POTEF: variants seen among roughly 807,000 people sequenced by gnomAD.
The protein encoded by POTEF is POTE ankyrin domain family member F.
Under a neutral mutation model 83.2 loss-of-function variants are expected in POTEF, and 20 were observed. That is an observed-to-expected ratio of 0.24 (90% confidence interval 0.17 to 0.35). The LOEUF (loss-of-function observed/expected upper bound fraction) is 0.35, where lower values mean the gene tolerates loss of function less well. Among genes scored for constraint, POTEF ranks in the 10% least tolerant of loss-of-function variants. The pLI is 1.00. For synonymous variants in POTEF, 196 were observed against 446.4 expected (o/e 0.44, Z 7.07); for missense variants, 550 against 1,203.2 (o/e 0.46, Z 8.03).
rs1684869703 is a variant in POTEF at position 130,117,338 on chromosome 2, T to G, written c.522-2010A>C. Among the ~76,000 whole-genome samples, 4 of 151,934 alleles carry G rather than the reference T, an allele frequency of 2.6e-5. No individual in the cohort carries two copies. The South Asian group carries it at 8.3e-4, about 32-fold the overall frequency. On this transcript the variant is annotated intron_variant, in intron 3 of 16. Coordinates refer to ENST00000409914, the MANE Select transcript of POTEF (RefSeq NM_001099771.2). ...ACAGATAGAAAAATAAATAATAGAA[T>G]GTGACAAATTATTTGCATCTATGCA...
At chr2:130,083,416 C>G (rs1440430590) in intron 15 of POTEF, among the ~76,000 whole-genome samples, 2 of 150,404 alleles carry the variant, frequency 1.3e-5, no homozygotes, top group Non-Finnish European at 1.5e-5. Flanking sequence ...AGATGAGGAG[C>G]AGCAAGCAAA....
At chr2:130,093,050 T>A (rs1372395233) in intron 12 of POTEF, among the ~76,000 whole-genome samples, 1 of 144,024 alleles carries the variant, frequency 6.9e-6, no homozygotes, top group Non-Finnish European at 1.5e-5. Context: ...GTCAGATCAG[T>A]GATAGCATTA....
rs1216587598 is a variant in POTEF at position 130,116,588 on chromosome 2, G to T, written c.522-1260C>A. ...CTCACCATTTAGCTCCCACCTATAA[G>T]TAAGAACATGCAATATTTGGTTTTC... On this transcript the variant is annotated intron_variant, in intron 3 of 16. Coordinates refer to ENST00000409914, the MANE Select transcript of POTEF (RefSeq NM_001099771.2). Among the ~76,000 whole-genome samples the T allele has an allele frequency of 3.6e-5, 4 of 111,122 alleles. No homozygotes were observed. In the East Asian group the frequency reaches 7.1e-4, roughly 20 times the overall value. The allele number at this position is 111,122 out of a possible 152,430, so 72.9% of individuals were successfully genotyped here.
Position 130,116,869 on chromosome 2 carries a change from T to C in POTEF, c.522-1541A>G, listed in dbSNP as rs1325557040. Among the ~76,000 whole-genome samples, 8 of 98,114 alleles carry C rather than the reference T, an allele frequency of 8.2e-5. No homozygotes were observed. The South Asian group carries it at 1.5e-3, about 18-fold the overall frequency. 64.4% of individuals were successfully genotyped at this position (98,114 alleles called of 152,430 possible). A position where few individuals can be genotyped will look rare whatever the true frequency, so the allele number is the denominator to read the frequency against. On this transcript the variant is annotated intron_variant, in intron 3 of 16. Transcript: ENST00000409914. ...TGAAAGGAGGGAGGAAAAGCTTCAA[T>C]TGAGATTAAGTCCTAATGCACCAAT...
chr2:130,075,141 G>A lies in POTEF; in HGVS notation c.2331C>T (p.Thr777=), dbSNP rs766883230. The A allele has an allele frequency of 6.8e-6, 11 of 1,613,438 alleles. No homozygotes were observed. Among genetic ancestry groups the A allele is most frequent in the Non-Finnish European group, 9.3e-6 (11 of 1,179,926 alleles). ...LKYPMEHGII[T]NWDDMEKIWH... is the part of the protein sequence containing the mutation. ...AGATCTTCTCCATGTCATCCCAGTT[G>A]GTGATGATGCCGTGTTCCATGGGGT... The change falls in exon 17 of 17, where the codon ACC becomes ACT. Residue 777 remains threonine, a synonymous_variant. Transcript: ENST00000409914.
chr2:130,119,215 G>A (rs959186974), intron 3 of POTEF, among the ~76,000 whole-genome samples: 1 of 150,576 alleles, frequency 6.6e-6, no homozygotes, highest in African/African-American at 2.5e-5. Context: ...CCAGGCTGGA[G>A]TGCAGTGGCA....
chr2:130,120,311 A>G lies in POTEF; in HGVS notation c.205T>C (p.Phe69Leu). The change falls in exon 3 of 17, where the codon TTC becomes CTC. Residue 69 changes from phenylalanine to leucine, a missense_variant. Physicochemically the swap from Phe to Leu is conservative, Grantham distance 22. Transcript: ENST00000409914. ...TTGCCACTCCCCCTGCAGCAGGGGA[A>G]GCAGTGGCGGCACCACTTGCCCATC... ...SKMGKWCRHC[F>L]PCCRGSGKSN... 6.2e-7 allele frequency: 1 copy of G among 1,605,892 alleles called. No individual in the cohort carries two copies. The highest frequency in any genetic ancestry group is 1.1e-5 in the South Asian group (1 of 90,890).
At chr2:130,116,108 G>A (rs1684837094) in intron 3 of POTEF, among the ~76,000 whole-genome samples, 2 of 152,042 alleles carry the variant, frequency 1.3e-5, no homozygotes, top group Admixed American at 1.3e-4. Flanking sequence ...GAATAAGAAA[G>A]CTGAGGTGAA....
intron 7 of POTEF, 138 bp downstream of exon 7, chr2:130,110,405 C>G: frequency 6.3e-7 from 1 of 1,578,128 alleles, no homozygotes; most frequent in Non-Finnish European, 8.6e-7. Context: ...CTGGCTGATG[C>G]AGGGGACTAA....
intron 8 of POTEF, among the ~76,000 whole-genome samples, chr2:130,104,791 T>C (rs1486776755): frequency 6.6e-6 from 1 of 151,344 alleles, no homozygotes; most frequent in African/African-American, 2.5e-5. Context: ...TGCTAACTTT[T>C]GATCATTGAT....
chr2:130,075,411 A>G lies in POTEF; in HGVS notation c.2061T>C (p.Asn687=), dbSNP rs555209267. ...ATTGTAGAGCCTTTAAAAGATTATC[A>G]TTCCTTTTTTTCACACTTTCAATAT... ...LEDIESVKKR[N]DNLLKALQLN... is the part of the protein sequence containing the mutation. The change falls in exon 17 of 17, where the codon AAT becomes AAC. Residue 687 remains asparagine, a synonymous_variant. Coordinates refer to ENST00000409914, the MANE Select transcript of POTEF (RefSeq NM_001099771.2). The G allele has an allele frequency of 2.1e-5, 34 of 1,611,476 alleles. No homozygotes were observed. The East Asian group carries it at 6.2e-4, about 30-fold the overall frequency.
chr2:130,074,964 G>A lies in POTEF; in HGVS notation c.2508C>T (p.Ile836=). The change falls in exon 17 of 17, where the codon ATC becomes ATT. Residue 836 remains isoleucine, a synonymous_variant. Coordinates refer to ENST00000409914, the MANE Select transcript of POTEF (RefSeq NM_001099771.2). ...AGGTGTACAGGGACAGCACAGCCTG[G>A]ATGGCCACGTACATGGCTGGGGTGT... ...TFNTPAMYVA[I]QAVLSLYTSG... is the part of the protein sequence containing the mutation. 1 of 1,612,018 alleles carries A rather than the reference G, an allele frequency of 6.2e-7. No individual in the cohort carries two copies. Among genetic ancestry groups the A allele is most frequent in the East Asian group, 2.2e-5 (1 of 44,758 alleles).
At chr2:130,104,541 G>A (rs559630382) in intron 8 of POTEF, among the ~76,000 whole-genome samples, 16 of 151,248 alleles carry the variant, frequency 1.1e-4, no homozygotes, top group South Asian at 2.1e-4. Context: ...GGCTGCAAGC[G>A]GGGAAAAAAT....
chr2:130,094,678 G>C (rs1211467317), intron 11 of POTEF, among the ~76,000 whole-genome samples: 3 of 28,074 alleles, frequency 1.1e-4, no homozygotes, highest in African/African-American at 4.3e-4. Flanking sequence ...CTTATGCAAG[G>C]GCCAGCTCCT....
rs560608591 is a variant in POTEF, at chr2:130,103,229, A to G, written c.1127-1049T>C. Among the ~76,000 whole-genome samples, 262 of 148,998 alleles carry G rather than the reference A, an allele frequency of 1.8e-3. 10 individuals carry two copies. The highest frequency in any genetic ancestry group is 6.2e-3 in the African/African-American group (243 of 39,322). ...GCGATTCTCCTGTCTCAGTCTCCGG[A>G]GAAGCTGGGATTACAGGCATGTACC... On this transcript the variant is annotated intron_variant, in intron 8 of 16. Transcript: ENST00000409914.
At chr2:130,127,021 C>CA (rs1291493847) in intron 2 of POTEF, among the ~76,000 whole-genome samples, 4 of 151,844 alleles carry the variant, frequency 2.6e-5, no homozygotes, top group African/African-American at 9.7e-5. Flanking sequence ...ACCATCACAA[C>CA]AAAAAAGAAG....
chr2:130,115,494 C>T (rs1271555785), intron 3 of POTEF, among the ~76,000 whole-genome samples, 166 bp from the exon 4 acceptor site: 4 of 152,154 alleles, frequency 2.6e-5, no homozygotes, highest in African/African-American at 9.7e-5. Flanking sequence ...TCTCATTGCT[C>T]GCTGTATTAA....
At chr2:130,113,873 CAA>C (rs1355984741) in intron 5 of POTEF, among the ~76,000 whole-genome samples, 2 of 151,280 alleles carry the variant, frequency 1.3e-5, no homozygotes, top group East Asian at 3.9e-4. Flanking sequence ...AAGATTTGGC[CAA>C]AAAGAGTAAG....
Position 130,075,103 on chromosome 2 carries a change from A to G in POTEF, c.2369T>C (p.Phe790Ser), listed in dbSNP as rs371501301. The stretch of plus-strand genomic sequence containing the variant: ...GGGAGCCACACGCAGCTCGTTGTAG[A>G]AGGTGTGGTGCCAGATCTTCTCCAT... ...DDMEKIWHHT[F>S]YNELRVAPEE... Residue 790 changes from phenylalanine to serine, a missense_variant, in exon 17 of 17, where the codon TTC becomes TCC. Transcript: ENST00000409914. The G allele has an allele frequency of 7.7e-5, 125 of 1,613,734 alleles. 1 individual carries two copies. In the African/African-American group the frequency reaches 1.5e-3, roughly 19 times the overall value.
Sources: allele counts gnomAD v4.1 joint callset (sites outside exome capture counted in the v4.1 genomes callset), GRCh38; gene constraint gnomAD v4.1.1; transcripts MANE v1.5; gene names NCBI Gene and HGNC (gene_info 2026-07-23, HGNC 2026-07-21).